SNED1: variants seen among roughly 807,000 people sequenced by gnomAD.
SNED1 encodes the protein sushi, nidogen and EGF like domains 1, also known as sushi, nidogen and EGF-like domain-containing protein 1.
In SNED1, 81 loss-of-function variants were observed where a neutral mutation model predicts 166.7. The observed-to-expected ratio is 0.49, with a 90% confidence interval of 0.41 to 0.58. SNED1 has a LOEUF of 0.58. Ranked by LOEUF, SNED1 falls within the 20% of genes least tolerant of loss-of-function variation. The pLI is 0.00. For missense variants in SNED1, 1,604 were observed against 2,000.2 expected, an observed-to-expected ratio of 0.80 and a Z score of 3.78; for synonymous variants, 762 against 822.0, an observed-to-expected ratio of 0.93 and a Z score of 1.25.
In SNED1 at chr2:241,065,453, C is replaced by T. The variant is rs773308388; in HGVS notation, c.2868C>T (p.Asp956=). 6.2e-7 allele frequency: 1 copy of T among 1,612,910 alleles called. No individual in the cohort carries two copies. The highest frequency in any genetic ancestry group is 1.3e-5 in the African/African-American group (1 of 74,950). ...VSSDGSYRRT[D]FVDRTRSSHQ... is the part of the protein sequence containing the mutation. ...CCGACGGCTCCTACCGCCGCACAGA[C>T]TTTGTGGACAGGACCCGCTCCTCGC... is the stretch of plus-strand genomic sequence containing the variant. Residue 956 remains aspartate, a synonymous_variant, in exon 21 of 32, where the codon GAC becomes GAT. Transcript: ENST00000310397.
At chr2:241,017,244 TGG>T (rs1049632494) in intron 1 of SNED1, among the ~76,000 whole-genome samples, 4 of 152,342 alleles carry the variant, frequency 2.6e-5, no homozygotes, top group Admixed American at 2.6e-4. Context: ...TACTGGTTGA[TGG>T]GTGCCGGCAG....
chr2:241,052,329 G>A (rs1425956345), intron 14 of SNED1, 26 bp from the exon 15 acceptor site: 1 of 1,551,762 alleles, frequency 6.4e-7, no homozygotes, highest in Non-Finnish European at 8.8e-7. Context: ...AGACACAGTG[G>A]CCAGGACCTT....
chr2:241,088,980 T>C, intron 31 of SNED1: 1 of 268,726 alleles, frequency 3.7e-6, no homozygotes, highest in Non-Finnish European at 7.0e-6. Context: ...TAGGCATTCA[T>C]AAATCCTGAC....
chr2:241,037,157 G>T (rs750922517), intron 5 of SNED1, 83 bp from the exon 6 acceptor site: 16 of 1,255,366 alleles, frequency 1.3e-5, no homozygotes, highest in Non-Finnish European at 1.8e-5. Context: ...CTCCTCCTCC[G>T]TCCCCGGCCC....
In SNED1 at chr2:241,069,060, C is replaced by A; in HGVS notation, c.3307+37C>A. The A allele has an allele frequency of 7.1e-7, 1 of 1,410,236 alleles. No homozygotes were observed. Among genetic ancestry groups the A allele is most frequent in the Non-Finnish European group, 9.7e-7 (1 of 1,028,616 alleles). 87.4% of individuals were successfully genotyped at this position (1,410,236 alleles called of 1,614,324 possible). A position where few individuals can be genotyped will look rare whatever the true frequency, so the allele number is the denominator to read the frequency against. ...AGCGCGGCCCCCGGCACACGAAAGGCCGTCTTCTAGAAGCTCTGGCTTCCT... is the reference window on the plus strand; with the variant it reads ...AGCGCGGCCCCCGGCACACGAAAGGACGTCTTCTAGAAGCTCTGGCTTCCT... On this transcript the variant is annotated intron_variant, in intron 23 of 31. Coordinates refer to ENST00000310397, the MANE Select transcript of SNED1 (RefSeq NM_001080437.3). This position sits in a 1 kb window ranked among gnomAD's most constrained non-coding sequence, Gnocchi z 4.9.
intron 15 of SNED1, 101 bp downstream of exon 15, chr2:241,052,569 G>A: frequency 1.1e-6 from 1 of 946,424 alleles, no homozygotes; most frequent in Non-Finnish European, 1.7e-6. Flanking sequence ...CCAGTGCCAG[G>A]CAGGTGAGAG....
At chr2:241,070,260 T>C in intron 24 of SNED1, 59 bp downstream of exon 24, 2 of 1,516,814 alleles carry the variant, frequency 1.3e-6, no homozygotes, top group Non-Finnish European at 1.8e-6. Flanking sequence ...CTCCACCCTG[T>C]TCAGGACTGA....
At chr2:241,031,396 C>T (rs2061163968) in intron 2 of SNED1, among the ~76,000 whole-genome samples, 1 of 152,218 alleles carries the variant, frequency 6.6e-6, no homozygotes, top group Non-Finnish European at 1.5e-5. Flanking sequence ...AACTCCTGAC[C>T]TCAGGTGATC....
At chr2:241,048,486 G>C (rs1398120582) in intron 9 of SNED1, 46 bp downstream of exon 9, 1 of 1,558,072 alleles carries the variant, frequency 6.4e-7, no homozygotes, top group East Asian at 2.3e-5. Context: ...TGGGGCAGGA[G>C]ACCCAGGGAG....
At chr2:241,041,742 C>T (rs1278993975) in intron 8 of SNED1, among the ~76,000 whole-genome samples, 1 of 152,012 alleles carries the variant, frequency 6.6e-6, no homozygotes, top group Non-Finnish European at 1.5e-5. Context: ...GTGGTGCTAA[C>T]GTAATGACTG....
At chr2:241,077,398 C>T (rs2063080284) in intron 27 of SNED1, among the ~76,000 whole-genome samples, 2 of 152,064 alleles carry the variant, frequency 1.3e-5, no homozygotes, top group African/African-American at 4.8e-5. Flanking sequence ...GTATGAGCAA[C>T]AACAAAAATC....
intron 29 of SNED1, among the ~76,000 whole-genome samples, chr2:241,085,545 T>C (rs904007295): frequency 1.3e-5 from 2 of 152,204 alleles, no homozygotes; most frequent in Non-Finnish European, 2.9e-5. Context: ...CATCTGCTAT[T>C]TCTGTCATCA....
chr2:241,077,554 C>T (rs1344908904), intron 27 of SNED1, among the ~76,000 whole-genome samples: 1 of 151,980 alleles, frequency 6.6e-6, no homozygotes, highest in African/African-American at 2.4e-5. Flanking sequence ...AGAGCTCTGA[C>T]AACTGAACAA....
rs992872342 is a variant in SNED1, at chr2:241,089,483, G to A, written c.*1+1081G>A. On this transcript the variant is annotated intron_variant, in intron 31 of 31. Transcript: ENST00000310397. ...GAAGAGTGTCCACACCCCCTTGGGGGAAAGGTCTGGGCCGGAGCTCCGCAC... is the reference window on the plus strand; with the variant it reads ...GAAGAGTGTCCACACCCCCTTGGGGAAAAGGTCTGGGCCGGAGCTCCGCAC... 3.3e-6 allele frequency: 5 copies of A among 1,507,976 alleles called. No individual in the cohort carries two copies. The African/African-American group carries it at 5.6e-5, about 17-fold the overall frequency. The allele number at this position is 1,507,976 out of a possible 1,614,324, so 93.4% of individuals were successfully genotyped here. A position where few individuals can be genotyped will look rare whatever the true frequency, so the allele number is the denominator to read the frequency against.
At chr2:241,050,955 G>A (rs531070346) in intron 12 of SNED1, among the ~76,000 whole-genome samples, 44 of 152,200 alleles carry the variant, frequency 2.9e-4, no homozygotes, top group South Asian at 8.3e-4. Context: ...CCCAGCTTCC[G>A]TGAGCACACA....
Position 240,998,855 on chromosome 2 carries a change from C to G in SNED1, c.18C>G (p.Ala6=), listed in dbSNP as rs1418752837. The G allele has an allele frequency of 8.3e-7, 1 of 1,204,732 alleles. No homozygotes were observed. The highest frequency in any genetic ancestry group is 3.6e-5 in the East Asian group (1 of 27,482). The allele number at this position is 1,204,732 out of a possible 1,614,324, so 74.6% of individuals were successfully genotyped here. Reference sequence around the variant, plus strand: ...CCTCCGCGATGCGGCACGGCGTCGCCTGGGCGCTGCTGGTGGCCGCGGCCC... The same window carrying G: ...CCTCCGCGATGCGGCACGGCGTCGCGTGGGCGCTGCTGGTGGCCGCGGCCC... The part of the protein sequence containing the change: MRHGV[A]WALLVAAALG... Residue 6 remains alanine (A), a synonymous_variant, in exon 1 of 32, where the codon GCC becomes GCG. Coordinates refer to ENST00000310397, the MANE Select transcript of SNED1 (RefSeq NM_001080437.3).
intron 15 of SNED1, among the ~76,000 whole-genome samples, chr2:241,052,749 CCGGGGGG>C: frequency 2.1e-5 from 2 of 94,250 alleles, no homozygotes; most frequent in African/African-American, 4.8e-5. Flanking sequence ...GGTGAGAGGG[CCGGGGGG>C]CCAAGCAGGG....
In SNED1 at chr2:241,082,317, C is replaced by A. The variant is rs558175262; in HGVS notation, c.4074C>A (p.Ser1358=). 2 of 1,613,606 alleles carry A rather than the reference C, an allele frequency of 1.2e-6. No homozygotes were observed. Among genetic ancestry groups the A allele is most frequent in the Non-Finnish European group, 1.7e-6 (2 of 1,179,564 alleles). The change falls in exon 29 of 32, where the codon TCC becomes TCA. Residue 1358 remains serine, a synonymous_variant. Coordinates refer to ENST00000310397, the MANE Select transcript of SNED1 (RefSeq NM_001080437.3). The part of the protein sequence containing the change: ...KVSRPCTRLF[S]ETKAFPVWEG... Reference sequence around the variant, plus strand: ...CCCGCCCCTGCACAAGGCTGTTCTCCGAGACAAAGGCCTTTCCAGTCTGGG... The same window carrying A: ...CCCGCCCCTGCACAAGGCTGTTCTCAGAGACAAAGGCCTTTCCAGTCTGGG...
intron 1 of SNED1, among the ~76,000 whole-genome samples, chr2:241,019,773 C>G (rs1402728023): frequency 6.6e-6 from 1 of 152,226 alleles, no homozygotes. Context: ...TTTGCAACAC[C>G]AGCGGGCCCC....
Sources: gnomAD v4.1 joint callset for allele counts (sites outside exome capture counted in the v4.1 genomes callset) on GRCh38, gnomAD v4.1.1 for gene constraint, Gnocchi (gnomAD v3.1) non-coding constraint, MANE v1.5 for transcripts, NCBI Gene and HGNC (gene_info 2026-07-23, HGNC 2026-07-21) for gene names.